The following SKA2 variants were observed in gnomAD, a reference collection of about 807,000 sequenced individuals.
SKA2 encodes the protein spindle and kinetochore associated complex subunit 2.
SKA2 carries 13 observed loss-of-function variants against 16.9 expected under a neutral mutation model. The observed-to-expected ratio is 0.77, with a 90% CI of 0.50 to 1.22. The LOEUF (loss-of-function observed/expected upper bound fraction) is 1.22. SKA2 is among the 50% of genes most tolerant of loss of function. The pLI is 0.00. For synonymous variants in SKA2, 47 were observed against 48.5 expected (o/e 0.97, Z 0.13); for missense variants, 107 against 139.7 (o/e 0.77, Z 1.18).
chr17:59,147,080 C>T (rs2046538376), intron 1 of SKA2, among the ~76,000 whole-genome samples: 1 of 151,782 alleles, frequency 6.6e-6, no homozygotes, highest in Non-Finnish European at 1.5e-5. Flanking sequence ...ATCGCTTGAA[C>T]CTGCGAGACA....
At chr17:59,137,016 CT>C (rs1365611308) in intron 1 of SKA2, among the ~76,000 whole-genome samples, 4 of 151,794 alleles carry the variant, frequency 2.6e-5, no homozygotes, top group Non-Finnish European at 5.9e-5. Context: ...AATGTAAATT[CT>C]TTTTTTTCTT....
chr17:59,117,378 C>G (rs1296739922), intron 3 of SKA2, among the ~76,000 whole-genome samples: 1 of 151,920 alleles, frequency 6.6e-6, no homozygotes, highest in Non-Finnish European at 1.5e-5. Flanking sequence ...CTTTCTACTA[C>G]TATCTCATTT....
chr17:59,123,744 G>A (rs1177605531), intron 2 of SKA2, among the ~76,000 whole-genome samples: 5 of 151,428 alleles, frequency 3.3e-5, no homozygotes, highest in Non-Finnish European at 7.4e-5. Context: ...AATGATAACA[G>A]CTAATGTATA....
intron 1 of SKA2, among the ~76,000 whole-genome samples, chr17:59,141,678 C>G (rs574712767): frequency 4.2e-5 from 6 of 143,890 alleles, no homozygotes; most frequent in African/African-American, 1.5e-4. Context: ...GAGTGGTGAT[C>G]ACATCACTGC....
chr17:59,139,173 G>A (rs1305544618), intron 1 of SKA2, among the ~76,000 whole-genome samples: 1 of 151,928 alleles, frequency 6.6e-6, no homozygotes, highest in African/African-American at 2.4e-5. Flanking sequence ...TGAGGCGGGC[G>A]GAGCACGAGG....
intron 2 of SKA2, among the ~76,000 whole-genome samples, chr17:59,130,457 C>CAAAAAAAAAAA (rs569934567): frequency 8.5e-5 from 6 of 70,382 alleles, no homozygotes; most frequent in Non-Finnish European, 1.5e-4. Context: ...ACTAAAAATA[C>CAAAAAAAAAAA]AAAAAAAAAA....
At chr17:59,131,501 A>G (rs1281135439) in intron 1 of SKA2, 134 bp from the exon 2 acceptor site, 1 of 513,576 alleles carries the variant, frequency 1.9e-6, no homozygotes, top group South Asian at 5.4e-5. Context: ...TGTGGAAATA[A>G]AAAGTATATA....
At chr17:59,141,753 G>A (rs1339809756) in intron 1 of SKA2, among the ~76,000 whole-genome samples, 2 of 150,584 alleles carry the variant, frequency 1.3e-5, no homozygotes, top group Non-Finnish European at 3.0e-5. Context: ...AGAGAGCCTA[G>A]GCATACTTCA....
At chr17:59,141,806 C>T (rs1036808761) in intron 1 of SKA2, among the ~76,000 whole-genome samples, 8 of 150,976 alleles carry the variant, frequency 5.3e-5, no homozygotes, top group African/African-American at 1.7e-4. Context: ...GGCTTAAAAA[C>T]TGATCATTTA....
At chr17:59,125,147 ATTTTTTT>A (rs10719455) in intron 2 of SKA2, among the ~76,000 whole-genome samples, 1 of 95,942 alleles carries the variant, frequency 1.0e-5, no homozygotes, top group Admixed American at 1.1e-4. Context: ...CTAATTTTGT[ATTTTTTT>A]TTTTTTTTTT....
intron 2 of SKA2, among the ~76,000 whole-genome samples, chr17:59,124,610 G>C (rs1380407379): frequency 6.6e-6 from 1 of 152,130 alleles, no homozygotes. Flanking sequence ...TCAGGAGAAT[G>C]ATGAGTTCCC....
intron 1 of SKA2, among the ~76,000 whole-genome samples, chr17:59,134,633 C>G: frequency 6.6e-6 from 1 of 151,700 alleles, no homozygotes; most frequent in East Asian, 1.9e-4. Context: ...CTCACTGCAA[C>G]CTCTGCCTCC....
At chr17:59,123,058 A>G (rs2046346576) in intron 2 of SKA2, among the ~76,000 whole-genome samples, 1 of 151,118 alleles carries the variant, frequency 6.6e-6, no homozygotes, top group Non-Finnish European at 1.5e-5. Context: ...AAGAAAAGAA[A>G]AACTAAGCAA....
intron 1 of SKA2, among the ~76,000 whole-genome samples, chr17:59,147,048 C>T (rs2046538064): frequency 1.3e-5 from 2 of 151,698 alleles, no homozygotes; most frequent in South Asian, 4.2e-4. Context: ...ACCCCAGCTA[C>T]TAGGGAGGCT....
chr17:59,131,441 C>G, intron 1 of SKA2, 74 bp from the exon 2 acceptor site: 1 of 999,280 alleles, frequency 1.0e-6, no homozygotes, highest in Non-Finnish European at 1.4e-6. Flanking sequence ...TTCTTTTTTT[C>G]TCTTTACATT....
chr17:59,110,228 C>G lies in SKA2; in HGVS notation c.*2049G>C, dbSNP rs2046254567. The G allele has an allele frequency of 6.6e-6, 1 of 151,958 alleles. No homozygotes were observed. Among genetic ancestry groups the G allele is most frequent in the Non-Finnish European group, 1.5e-5 (1 of 67,990 alleles). The allele number at this position is 151,958 out of a possible 1,614,324, so 9.4% of individuals were successfully genotyped here. A position where few individuals can be genotyped will look rare whatever the true frequency, so the allele number is the denominator to read the frequency against. On this transcript the variant is annotated 3_prime_UTR_variant, in exon 4 of 4. Transcript: ENST00000330137. ...TGCATAGAGAACAATGTTAAGGGGG[C>G]TGTGGGGAAAAAACAACATTTGGAA...
At chr17:59,154,095 A>G (rs1355157737) in intron 1 of SKA2, among the ~76,000 whole-genome samples, 1 of 151,824 alleles carries the variant, frequency 6.6e-6, no homozygotes, top group East Asian at 1.9e-4. Flanking sequence ...ACAAGCAAAC[A>G]AACAAAAAAA....
chr17:59,135,586 G>A (rs1380480028), intron 1 of SKA2, among the ~76,000 whole-genome samples: 1 of 151,736 alleles, frequency 6.6e-6, no homozygotes, highest in African/African-American at 2.4e-5. Flanking sequence ...AAAGTGGTGG[G>A]ATTACAGGCT....
At chr17:59,150,262 G>A (rs779800879) in intron 1 of SKA2, among the ~76,000 whole-genome samples, 9 of 152,072 alleles carry the variant, frequency 5.9e-5, no homozygotes, top group African/African-American at 1.9e-4. Context: ...GCAAGACTTC[G>A]GCTTTGCTTA....
Sources: allele counts gnomAD v4.1 joint callset (sites outside exome capture counted in the v4.1 genomes callset), GRCh38; gene constraint gnomAD v4.1.1; transcripts MANE v1.5; gene names NCBI Gene and HGNC (gene_info 2026-07-23, HGNC 2026-07-21).